NFATC3: variants seen among roughly 807,000 people sequenced by gnomAD.
NFATC3 encodes nuclear factor of activated T cells 3.
NFATC3 carries 46 observed loss-of-function variants against 98.6 expected under a neutral mutation model. The ratio of observed to expected loss-of-function variants is 0.47; its 90% confidence interval spans 0.37 to 0.60. The LOEUF is 0.60. Among genes scored for constraint, NFATC3 ranks in the 20% least tolerant of loss-of-function variants. The probability of loss-of-function intolerance (pLI) is 0.00; values close to 1 mark genes in which losing one functional copy is unlikely to be tolerated. For synonymous variants in NFATC3, 512 were observed against 472.2 expected, an observed-to-expected ratio of 1.08 and a Z score of -1.09; for missense variants, 1,256 against 1,295.5, an observed-to-expected ratio of 0.97 and a Z score of 0.47.
chr16:68,106,532 T>C (rs1293167373), intron 1 of NFATC3, among the ~76,000 whole-genome samples: 1 of 151,968 alleles, frequency 6.6e-6, no homozygotes, highest in Non-Finnish European at 1.5e-5. Flanking sequence ...CCTTGTGATC[T>C]GCCCGCCTCG....
chr16:68,115,268 T>G (rs2036212839), intron 1 of NFATC3, among the ~76,000 whole-genome samples: 1 of 152,104 alleles, frequency 6.6e-6, no homozygotes, highest in Admixed American at 6.6e-5. Context: ...TTTGCCATGT[T>G]GTCCAGGCTG....
At chr16:68,162,246 A>G (rs1450703224) in intron 4 of NFATC3, among the ~76,000 whole-genome samples, 1 of 152,182 alleles carries the variant, frequency 6.6e-6, no homozygotes, top group Non-Finnish European at 1.5e-5. Context: ...AAACCTAAGA[A>G]ACTTTTTTTA....
chr16:68,183,715 G>A (rs971381841), intron 8 of NFATC3, among the ~76,000 whole-genome samples: 1 of 152,026 alleles, frequency 6.6e-6, no homozygotes, highest in Admixed American at 6.6e-5. Flanking sequence ...CCATAAAAAG[G>A]CAGTGTGGCC....
chr16:68,158,417 T>A (rs185930590), intron 4 of NFATC3, among the ~76,000 whole-genome samples: 5 of 152,250 alleles, frequency 3.3e-5, no homozygotes, highest in Admixed American at 3.3e-4. Flanking sequence ...TAAGGAAAAC[T>A]TTTGACTTTA....
chr16:68,120,438 G>T (rs1423023940), intron 1 of NFATC3, among the ~76,000 whole-genome samples: 1 of 151,890 alleles, frequency 6.6e-6, no homozygotes, highest in Non-Finnish European at 1.5e-5. Flanking sequence ...AATTAGCCGA[G>T]TGTCATGGCA....
intron 3 of NFATC3, among the ~76,000 whole-genome samples, chr16:68,150,412 T>TAAAAAAAA (rs60606928): frequency 1.2e-5 from 1 of 81,076 alleles, no homozygotes. Flanking sequence ...CTTCTATATC[T>TAAAAAAAA]AAAAAAAAAA....
chr16:68,183,676 G>A (rs1014951585), intron 8 of NFATC3, among the ~76,000 whole-genome samples: 14 of 152,116 alleles, frequency 9.2e-5, no homozygotes, highest in South Asian at 2.1e-4. Flanking sequence ...TGTGGTTCTG[G>A]GTCATGAACT....
chr16:68,191,444 A>G lies in NFATC3; in HGVS notation c.2775A>G (p.Thr925=). 2 of 1,614,104 alleles carry G rather than the reference A, an allele frequency of 1.2e-6. No homozygotes were observed. Among genetic ancestry groups the G allele is most frequent in the Non-Finnish European group, 1.7e-6 (2 of 1,180,012 alleles). Reference sequence around the variant, plus strand: ...CTTCACATTCAGGGTCTGCTACAACAGCTTCCCCAGCAGCTTCTCATCCCT... The same window carrying G: ...CTTCACATTCAGGGTCTGCTACAACGGCTTCCCCAGCAGCTTCTCATCCCT... ...YGPSHSGSAT[T]ASPAASHPLA... Residue 925 remains threonine (T), a synonymous_variant, in exon 9 of 10, where the codon ACA becomes ACG. Transcript: ENST00000346183.
chr16:68,158,662 T>C (rs190961533), intron 4 of NFATC3, among the ~76,000 whole-genome samples: 116 of 152,144 alleles, frequency 7.6e-4, no homozygotes, highest in Non-Finnish European at 7.4e-4. Flanking sequence ...CCCAAGCAAG[T>C]TTTTTCTTCT....
intron 1 of NFATC3, among the ~76,000 whole-genome samples, chr16:68,107,390 C>T (rs2035716710): frequency 6.6e-6 from 1 of 152,172 alleles, no homozygotes; most frequent in Non-Finnish European, 1.5e-5. Flanking sequence ...CTTTCTATCT[C>T]AGCCTCGCCA....
intron 1 of NFATC3, among the ~76,000 whole-genome samples, chr16:68,119,655 TTCC>T (rs1242132778): frequency 6.6e-6 from 1 of 152,212 alleles, no homozygotes; most frequent in Non-Finnish European, 1.5e-5. Context: ...CTTCTGCTAT[TTCC>T]TCAAGTATTA....
chr16:68,152,087 G>T (rs866521133), intron 3 of NFATC3, among the ~76,000 whole-genome samples: 5 of 150,828 alleles, frequency 3.3e-5, no homozygotes, highest in Middle Eastern at 6.8e-3. Flanking sequence ...AAAAGGCTGG[G>T]TGCAGTGGCT....
At chr16:68,163,325 C>T (rs959782705) in intron 4 of NFATC3, among the ~76,000 whole-genome samples, 3 of 150,826 alleles carry the variant, frequency 2.0e-5, no homozygotes, top group Non-Finnish European at 4.4e-5. Context: ...CGGGCAGAGG[C>T]GCCCCTCACC....
intron 1 of NFATC3, chr16:68,086,825 C>T: frequency 2.1e-6 from 2 of 963,236 alleles, no homozygotes; most frequent in South Asian, 4.8e-5. Context: ...TCCTTTTAGT[C>T]TTCATATGCT....
chr16:68,158,676 C>T (rs1482478186), intron 4 of NFATC3, among the ~76,000 whole-genome samples: 1 of 152,098 alleles, frequency 6.6e-6, no homozygotes, highest in Non-Finnish European at 1.5e-5. Context: ...TTCTTCTTTG[C>T]CGTCTTTAGC....
rs1204351919 is a variant in NFATC3, at chr16:68,197,691, ATGTTAAC to A, written c.3106+5923_3106+5929del. 2.6e-5 allele frequency among the ~76,000 whole-genome samples: 4 copies of A among 152,210 alleles called. No homozygotes were observed. In the East Asian group the frequency reaches 5.8e-4, roughly 22 times the overall value. ...CAATTTGTTTTAACTTTTTCATATTATGTTAACTGTTAAGTCCAAAGTAATTTCCACT... is the reference window on the plus strand; with the variant it reads ...CAATTTGTTTTAACTTTTTCATATTATGTTAAGTCCAAAGTAATTTCCACT... On this transcript the variant is annotated intron_variant, in intron 9 of 9. Transcript: ENST00000346183.
intron 1 of NFATC3, among the ~76,000 whole-genome samples, chr16:68,095,432 A>C (rs2034968329): frequency 6.9e-6 from 1 of 144,950 alleles, no homozygotes; most frequent in African/African-American, 2.6e-5. Flanking sequence ...TGCTCACTGC[A>C]ACTTCCACCT....
intron 8 of NFATC3, among the ~76,000 whole-genome samples, chr16:68,185,043 G>T (rs1598533204): frequency 6.6e-6 from 1 of 151,420 alleles, no homozygotes; most frequent in Non-Finnish European, 1.5e-5. Context: ...GTACAGTGGT[G>T]TGATCTTGGC....
chr16:68,226,670 T>C lies in NFATC3; in HGVS notation c.*199T>C. The C allele has an allele frequency of 2.2e-6, 1 of 462,166 alleles. No homozygotes were observed. Among genetic ancestry groups the C allele is most frequent in the Non-Finnish European group, 3.6e-6 (1 of 275,422 alleles). The allele number at this position is 462,166 out of a possible 1,614,324, so 28.6% of individuals were successfully genotyped here. On this transcript the variant is annotated 3_prime_UTR_variant, in exon 10 of 10. Coordinates refer to ENST00000346183, the MANE Select transcript of NFATC3 (RefSeq NM_173165.3). Reference sequence around the variant, plus strand: ...AGGAGCAGCATAGGCTGTTTGAGCTTTGGGGAAATGAACTTTGCTTTTTAT... The same window carrying C: ...AGGAGCAGCATAGGCTGTTTGAGCTCTGGGGAAATGAACTTTGCTTTTTAT...
Sources: allele counts gnomAD v4.1 joint callset (sites outside exome capture counted in the v4.1 genomes callset), GRCh38; gene constraint gnomAD v4.1.1; transcripts MANE v1.5; gene names NCBI Gene and HGNC (gene_info 2026-07-23, HGNC 2026-07-21).